SLCO1C1: variants seen among roughly 807,000 people sequenced by gnomAD.
SLCO1C1 encodes OAT-RP-5.
A neutral mutation model predicts 76.4 loss-of-function variants in SLCO1C1; 70 were observed. The observed-to-expected ratio is 0.92, with a 90% CI of 0.76 to 1.12. SLCO1C1 has a LOEUF of 1.12. SLCO1C1 is among the 50% of genes most tolerant of loss of function. SLCO1C1 has a pLI of 0.00. For missense variants in SLCO1C1, 912 were observed against 823.8 expected (o/e 1.11, Z -1.31); for synonymous variants, 306 against 286.1 (o/e 1.07, Z -0.70).
chr12:20,745,362 T>C (rs1469592363), intron 13 of SLCO1C1, among the ~76,000 whole-genome samples: 1 of 152,130 alleles, frequency 6.6e-6, no homozygotes, highest in East Asian at 1.9e-4. Context: ...AAAAATAAAA[T>C]TTTTTGCCAA....
chr12:20,750,534 G>A, intron 13 of SLCO1C1, 141 bp from the exon 14 acceptor site: 1 of 713,288 alleles, frequency 1.4e-6, no homozygotes, highest in African/African-American at 1.8e-5. Context: ...AGAGAGATAG[G>A]TTTGGGAGAT....
At chr12:20,703,545 C>G (rs1681197702) in intron 3 of SLCO1C1, among the ~76,000 whole-genome samples, 1 of 151,706 alleles carries the variant, frequency 6.6e-6, no homozygotes, top group African/African-American at 2.4e-5. Context: ...AATATGCTTG[C>G]TTTGTGGTTT....
At chr12:20,738,018 C>T (rs1026980644) in intron 11 of SLCO1C1, among the ~76,000 whole-genome samples, 3 of 151,962 alleles carry the variant, frequency 2.0e-5, no homozygotes, top group Non-Finnish European at 4.4e-5. Context: ...TGCAGATGAC[C>T]ATCTTCACCT....
intron 9 of SLCO1C1, among the ~76,000 whole-genome samples, chr12:20,731,449 GTTTTCA>G (rs1218713361): frequency 6.6e-6 from 1 of 152,164 alleles, no homozygotes; most frequent in Non-Finnish European, 1.5e-5. Context: ...AGATGTCAGT[GTTTTCA>G]TTTTTATTTT....
intron 8 of SLCO1C1, 28 bp downstream of exon 8, chr12:20,722,077 T>C: frequency 6.3e-7 from 1 of 1,599,618 alleles, no homozygotes; most frequent in Non-Finnish European, 8.5e-7. Flanking sequence ...TTTTGAAGTA[T>C]TTTCATTTTT....
chr12:20,705,127 A>G (rs1028718074), intron 3 of SLCO1C1, among the ~76,000 whole-genome samples: 17 of 151,928 alleles, frequency 1.1e-4, no homozygotes, highest in African/African-American at 4.1e-4. Flanking sequence ...CGTGAGAAAT[A>G]TTACTTGAAA....
At chr12:20,735,536 A>G (rs1243363262) in intron 10 of SLCO1C1, among the ~76,000 whole-genome samples, 3 of 152,228 alleles carry the variant, frequency 2.0e-5, no homozygotes, top group African/African-American at 7.2e-5. Context: ...ACTTTCAGAT[A>G]ATACAAACAG....
At chr12:20,731,433 A>T (rs1231976181) in intron 9 of SLCO1C1, among the ~76,000 whole-genome samples, 1 of 152,256 alleles carries the variant, frequency 6.6e-6, no homozygotes, top group Non-Finnish European at 1.5e-5. Flanking sequence ...GCATGTCATT[A>T]TCACTAGATG....
chr12:20,740,841 C>A (rs1342661964), intron 12 of SLCO1C1, among the ~76,000 whole-genome samples: 2 of 83,468 alleles, frequency 2.4e-5, no homozygotes, highest in African/African-American at 8.6e-5. Context: ...ATATTTTTGC[C>A]ATGACTGGAA....
chr12:20,739,062 G>A (rs1039131430), intron 11 of SLCO1C1, among the ~76,000 whole-genome samples: 5 of 152,098 alleles, frequency 3.3e-5, no homozygotes, highest in African/African-American at 1.2e-4. Context: ...CTATTGAGGG[G>A]TTATACAAAT....
intron 9 of SLCO1C1, among the ~76,000 whole-genome samples, chr12:20,724,485 C>T (rs1432874141): frequency 7.5e-6 from 1 of 133,780 alleles, no homozygotes; most frequent in African/African-American, 2.7e-5. Flanking sequence ...GTGTCACATC[C>T]AGCATCCAGA....
intron 7 of SLCO1C1, 43 bp from the exon 8 acceptor site, chr12:20,721,761 G>A: frequency 6.3e-7 from 1 of 1,596,606 alleles, no homozygotes. Context: ...TAACATATTA[G>A]CTTTGCTGTT....
At chr12:20,704,004 AAGAG>A (rs1443389202) in intron 3 of SLCO1C1, among the ~76,000 whole-genome samples, 1 of 146,006 alleles carries the variant, frequency 6.8e-6, no homozygotes, top group Admixed American at 6.9e-5. Context: ...CAGACAGAAA[AAGAG>A]AGGAGAGCAA....
At chr12:20,743,571 C>A (rs1948915401) in intron 13 of SLCO1C1, among the ~76,000 whole-genome samples, 1 of 152,080 alleles carries the variant, frequency 6.6e-6, no homozygotes, top group Non-Finnish European at 1.5e-5. Context: ...TATATTGCCT[C>A]TTTTGTGTTC....
At chr12:20,735,019 A>C (rs1948474429) in intron 10 of SLCO1C1, among the ~76,000 whole-genome samples, 1 of 152,232 alleles carries the variant, frequency 6.6e-6, no homozygotes, top group Non-Finnish European at 1.5e-5. Context: ...AACTCGTCTT[A>C]TAATTAAAAT....
rs1379352436 is a variant in SLCO1C1 at position 20,713,067 on chromosome 12, C to G, written c.529+1557C>G. On this transcript the variant is annotated intron_variant, in intron 5 of 14. Transcript: ENST00000266509. ...AGTTTCATCTGTATACAATGTACGGCCAGGGAAGATGTTTTCTTTTTTTTT... is the reference window on the plus strand; with the variant it reads ...AGTTTCATCTGTATACAATGTACGGGCAGGGAAGATGTTTTCTTTTTTTTT... Among the ~76,000 whole-genome samples the G allele has an allele frequency of 9.7e-5, 14 of 144,534 alleles. No homozygotes were observed. In the Admixed American group the frequency reaches 9.8e-4, roughly 10 times the overall value. 94.8% of individuals were successfully genotyped at this position (144,534 alleles called of 152,430 possible). A position where few individuals can be genotyped will look rare whatever the true frequency, so the allele number is the denominator to read the frequency against.
intron 4 of SLCO1C1, among the ~76,000 whole-genome samples, chr12:20,707,103 G>T (rs1042559937): frequency 9.2e-5 from 14 of 152,042 alleles, no homozygotes; most frequent in African/African-American, 3.1e-4. Context: ...TTCTCTGAGT[G>T]GGAGCTTTTC....
chr12:20,711,379 T>C lies in SLCO1C1; in HGVS notation c.405-7T>C. 1 of 1,611,004 alleles carries C rather than the reference T, an allele frequency of 6.2e-7. No individual in the cohort carries two copies. Among genetic ancestry groups the C allele is most frequent in the Admixed American group, 1.7e-5 (1 of 59,584 alleles). On this transcript the variant is annotated splice_region_variant and splice_polypyrimidine_tract_variant and intron_variant, in intron 4 of 14. Transcript: ENST00000266509. ...TCTATCATGAAGAAAACATTCCTCT[T>C]ATGCAGGTACAAATATGAGAGATAT... is the stretch of plus-strand genomic sequence containing the variant.
intron 13 of SLCO1C1, among the ~76,000 whole-genome samples, chr12:20,745,975 T>C (rs1045013946): frequency 1.5e-4 from 23 of 152,218 alleles, no homozygotes; most frequent in African/African-American, 5.3e-4. Flanking sequence ...CCAGAAGAAA[T>C]GAACACCACG....
Sources: allele counts gnomAD v4.1 joint callset (sites outside exome capture counted in the v4.1 genomes callset), GRCh38; gene constraint gnomAD v4.1.1; transcripts MANE v1.5; gene names NCBI Gene and HGNC (gene_info 2026-07-23, HGNC 2026-07-21).